CHL1: variants seen among roughly 807,000 people sequenced by gnomAD.
CHL1 encodes cell adhesion molecule L1 like.
Under a neutral mutation model 141.9 loss-of-function variants are expected in CHL1, and 96 were observed. That is an observed-to-expected ratio of 0.68 (90% CI 0.57 to 0.80). CHL1 has a LOEUF of 0.80. CHL1 is among the 30% of genes least tolerant of loss of function. The pLI, the probability that CHL1 is intolerant of heterozygous loss-of-function variation, is 0.00. For missense variants in CHL1, 1,820 were observed against 1,457.2 expected, an observed-to-expected ratio of 1.25 and a Z score of -4.05; for synonymous variants, 613 against 502.2, an observed-to-expected ratio of 1.22 and a Z score of -2.95.
intron 1 of CHL1, among the ~76,000 whole-genome samples, chr3:227,097 C>T (rs1398831230): frequency 1.3e-5 from 2 of 152,134 alleles, no homozygotes; most frequent in Admixed American, 6.5e-5. Context: ...GTTTAAGAAG[C>T]GTAAATGTTG....
At position 226,029 on chromosome 3, in the gene CHL1, C is replaced by G. The variant is rs536654963; in HGVS notation, c.-174-18584C>G. On this transcript the variant is annotated intron_variant, in intron 1 of 27. Coordinates refer to ENST00000256509, the MANE Select transcript of CHL1 (RefSeq NM_006614.4). ...GTCTAAAAAAAAGAGACACGTTAAT[C>G]TTAACTTTTTTTGAGAGAGTCTCGT... Among the ~76,000 whole-genome samples the G allele has an allele frequency of 1.5e-4, 22 of 151,214 alleles. 2 individuals are homozygous for G. The South Asian group carries it at 3.8e-3, about 26-fold the overall frequency.
intron 2 of CHL1, among the ~76,000 whole-genome samples, chr3:276,615 C>T (rs574916370): frequency 7.3e-5 from 11 of 151,724 alleles, no homozygotes; most frequent in South Asian, 4.2e-4. Flanking sequence ...TGGGGCTGGG[C>T]ACGGTGGCTC....
intron 1 of CHL1, among the ~76,000 whole-genome samples, chr3:237,192 C>T (rs1171925698): frequency 2.0e-5 from 3 of 152,108 alleles, no homozygotes; most frequent in Non-Finnish European, 4.4e-5. Flanking sequence ...GGGTGGTTTC[C>T]CCCATGCTGT....
At chr3:201,411 T>C (rs149337106) in intron 1 of CHL1, among the ~76,000 whole-genome samples, 1 of 152,326 alleles carries the variant, frequency 6.6e-6, no homozygotes, top group African/African-American at 2.4e-5. Flanking sequence ...TTTCCTGAAA[T>C]GTTGACTTCA....
intron 16 of CHL1, among the ~76,000 whole-genome samples, chr3:380,308 A>C (rs1238430958): frequency 6.6e-6 from 1 of 152,206 alleles, no homozygotes; most frequent in Non-Finnish European, 1.5e-5. Flanking sequence ...TTGTCAATGT[A>C]AATTTCTAAC....
intron 2 of CHL1, among the ~76,000 whole-genome samples, chr3:295,606 CAAAT>C (rs1698122237): frequency 6.6e-6 from 1 of 152,004 alleles, no homozygotes; most frequent in Admixed American, 6.5e-5. Flanking sequence ...TCAGAGTTCT[CAAAT>C]AAAAATGCAA....
intron 2 of CHL1, among the ~76,000 whole-genome samples, chr3:274,698 T>C (rs1457845735): frequency 6.6e-6 from 1 of 152,230 alleles, no homozygotes. Context: ...TTTACCATTT[T>C]CAGGAGCATC....
chr3:398,906 A>C, intron 25 of CHL1, 111 bp from the exon 26 acceptor site: 1 of 970,024 alleles, frequency 1.0e-6, no homozygotes, highest in South Asian at 1.7e-5. Flanking sequence ...GTCATTAAAA[A>C]AACTGATACT....
intron 1 of CHL1, among the ~76,000 whole-genome samples, chr3:222,514 T>C (rs949359248): frequency 1.3e-4 from 20 of 151,776 alleles, no homozygotes; most frequent in Admixed American, 4.6e-4. Flanking sequence ...AGAGCGGGGG[T>C]AGATGGGAAA....
At chr3:324,774 G>A (rs1391113840) in intron 3 of CHL1, among the ~76,000 whole-genome samples, 2 of 151,612 alleles carry the variant, frequency 1.3e-5, no homozygotes, top group Non-Finnish European at 2.9e-5. Context: ...TTTTTTGTAG[G>A]GATAAGAGTC....
intron 5 of CHL1, among the ~76,000 whole-genome samples, chr3:334,045 C>G (rs1307987203): frequency 6.6e-6 from 1 of 152,134 alleles, no homozygotes; most frequent in Non-Finnish European, 1.5e-5. Flanking sequence ...CAGCCTCATC[C>G]TCCTGGGCTC....
At chr3:274,615 GA>G (rs1695927841) in intron 2 of CHL1, among the ~76,000 whole-genome samples, 1 of 152,194 alleles carries the variant, frequency 6.6e-6, no homozygotes, top group African/African-American at 2.4e-5. Flanking sequence ...GCTGTAGGCT[GA>G]CACGTTACCA....
At chr3:321,688 T>C (rs1700577191) in intron 3 of CHL1, among the ~76,000 whole-genome samples, 1 of 152,116 alleles carries the variant, frequency 6.6e-6, no homozygotes, top group Admixed American at 6.6e-5. Flanking sequence ...GTTGTCTCAG[T>C]TACTTATGCA....
At chr3:324,778 A>G (rs1473925872) in intron 3 of CHL1, among the ~76,000 whole-genome samples, 3 of 151,890 alleles carry the variant, frequency 2.0e-5, no homozygotes, top group Admixed American at 2.0e-4. Flanking sequence ...TTGTAGGGAT[A>G]AGAGTCTCCC....
chr3:204,936 G>GA (rs1045402799), intron 1 of CHL1, among the ~76,000 whole-genome samples: 4 of 151,954 alleles, frequency 2.6e-5, no homozygotes, highest in African/African-American at 4.8e-5. Flanking sequence ...TTTTATAGAT[G>GA]AAAAAAACTA....
chr3:286,360 C>G (rs148494229), intron 2 of CHL1, among the ~76,000 whole-genome samples: 2,816 of 152,182 alleles, frequency 0.019, 39 homozygotes, highest in Non-Finnish European at 0.027. Context: ...CCTGTAATCC[C>G]AGCACTTTGG....
chr3:336,889 G>A (rs1455140941), intron 5 of CHL1, among the ~76,000 whole-genome samples: 1 of 152,186 alleles, frequency 6.6e-6, no homozygotes, highest in African/African-American at 2.4e-5. Flanking sequence ...TAAGACTCCT[G>A]TGCAGCTAGC....
intron 2 of CHL1, among the ~76,000 whole-genome samples, chr3:299,736 A>G (rs7650039): frequency 2.0e-5 from 3 of 151,984 alleles, no homozygotes; most frequent in Non-Finnish European, 4.4e-5. Context: ...AAGCTTGCAC[A>G]TTGTTCTCAC....
chr3:337,427 T>A (rs1701976798), intron 5 of CHL1, among the ~76,000 whole-genome samples: 1 of 152,036 alleles, frequency 6.6e-6, no homozygotes, highest in South Asian at 2.1e-4. Context: ...GCAGGTTAGT[T>A]ACATATGTAT....
Sources: gnomAD v4.1 joint callset for allele counts (sites outside exome capture counted in the v4.1 genomes callset) on GRCh38, gnomAD v4.1.1 for gene constraint, MANE v1.5 for transcripts, NCBI Gene and HGNC (gene_info 2026-07-23, HGNC 2026-07-21) for gene names.